The following ITGB8 variants were observed in gnomAD, a reference collection of about 807,000 sequenced individuals.
ITGB8 encodes the protein integrin subunit beta 8.
A neutral mutation model predicts 89.5 loss-of-function variants in ITGB8; 30 were observed. That is an observed-to-expected ratio of 0.34 (90% CI 0.25 to 0.45). The LOEUF is 0.45. Ranked by LOEUF, ITGB8 falls within the 20% of genes least tolerant of loss-of-function variation. The pLI is 1.00. For missense variants in ITGB8, 836 were observed against 933.3 expected (o/e 0.90, Z 1.36); for synonymous variants, 335 against 320.4 (o/e 1.05, Z -0.49).
intron 2 of ITGB8, among the ~76,000 whole-genome samples, chr7:20,363,953 C>G (rs1785598695): frequency 6.6e-6 from 1 of 152,064 alleles, no homozygotes; most frequent in African/African-American, 2.4e-5. Flanking sequence ...GAAGTGCAAA[C>G]CATTTTATGT....
At chr7:20,349,353 C>A (rs142501786) in intron 1 of ITGB8, among the ~76,000 whole-genome samples, 1 of 151,326 alleles carries the variant, frequency 6.6e-6, no homozygotes, top group African/African-American at 2.4e-5. Context: ...GAAGTAATTG[C>A]GGTTTTTGAC....
chr7:20,359,402 C>A (rs1164405116), intron 1 of ITGB8, among the ~76,000 whole-genome samples: 1 of 152,204 alleles, frequency 6.6e-6, no homozygotes, highest in Non-Finnish European at 1.5e-5. Context: ...CAAGCAGCAA[C>A]TGCAATCATA....
intron 1 of ITGB8, among the ~76,000 whole-genome samples, chr7:20,339,374 T>G (rs1052695759): frequency 1.3e-5 from 2 of 152,164 alleles, no homozygotes; most frequent in African/African-American, 4.8e-5. Flanking sequence ...TTAAAGTGAA[T>G]CTTAATGTGA....
chr7:20,346,748 A>G (rs1161661282), intron 1 of ITGB8: 6 of 985,144 alleles, frequency 6.1e-6, no homozygotes, highest in Non-Finnish European at 7.2e-6. Context: ...TGAGAAGTAT[A>G]TAACACCTGA....
chr7:20,384,487 T>G (rs1456209554), intron 6 of ITGB8, among the ~76,000 whole-genome samples: 1 of 152,240 alleles, frequency 6.6e-6, no homozygotes, highest in Non-Finnish European at 1.5e-5. Context: ...TAGCAATCAC[T>G]CTGCATACAG....
Position 20,381,932 on chromosome 7 carries a change from G to A in ITGB8, c.960+47G>A, listed in dbSNP as rs149317847. On this transcript the variant is annotated intron_variant, in intron 6 of 13. Transcript: ENST00000222573. The stretch of plus-strand genomic sequence containing the variant: ...AGTAGATATGACTCTTTTGGTTAAA[G>A]TACAATTTTAAATTGGCAACTCAAC... 1.2e-5 allele frequency: 18 copies of A among 1,510,896 alleles called. No individual in the cohort carries two copies. In the African/African-American group the frequency reaches 2.5e-4, roughly 21 times the overall value. The allele number at this position is 1,510,896 out of a possible 1,614,324, so 93.6% of individuals were successfully genotyped here.
At chr7:20,394,860 T>C (rs748537638) in intron 7 of ITGB8, 36 bp from the exon 8 acceptor site, 9 of 1,384,530 alleles carry the variant, frequency 6.5e-6, no homozygotes, top group African/African-American at 2.8e-5. Flanking sequence ...TTACATACTA[T>C]TGTCATTGTT....
chr7:20,381,378 G>C (rs1786383314), intron 5 of ITGB8: 1 of 162,338 alleles, frequency 6.2e-6, no homozygotes. Context: ...TAGCCAGGAT[G>C]GTCTCGATTT....
At chr7:20,335,841 C>T (rs533740557) in intron 1 of ITGB8, among the ~76,000 whole-genome samples, 2 of 152,120 alleles carry the variant, frequency 1.3e-5, no homozygotes, top group African/African-American at 2.4e-5. Flanking sequence ...TGACCTTGCC[C>T]TCCTTGGAAA....
At chr7:20,402,361 A>C (rs1787349519) in intron 10 of ITGB8, among the ~76,000 whole-genome samples, 1 of 152,194 alleles carries the variant, frequency 6.6e-6, no homozygotes, top group Non-Finnish European at 1.5e-5. Context: ...ACCTAAAATT[A>C]ATTGTTATTC....
At chr7:20,356,982 C>T (rs1398016007) in intron 1 of ITGB8, among the ~76,000 whole-genome samples, 1 of 152,054 alleles carries the variant, frequency 6.6e-6, no homozygotes, top group Non-Finnish European at 1.5e-5. Context: ...ACAAAGAATA[C>T]CTAAGTGGGT....
At chr7:20,390,541 T>C (rs1018730335) in intron 6 of ITGB8, among the ~76,000 whole-genome samples, 2 of 152,086 alleles carry the variant, frequency 1.3e-5, no homozygotes, top group African/African-American at 4.8e-5. Flanking sequence ...AGTGCCACAG[T>C]TGGCACAACA....
chr7:20,387,505 C>G (rs766082462), intron 6 of ITGB8, among the ~76,000 whole-genome samples: 2 of 152,174 alleles, frequency 1.3e-5, no homozygotes, highest in Non-Finnish European at 2.9e-5. Flanking sequence ...AGTCGCAGAG[C>G]CAGAAGTTGA....
chr7:20,387,922 C>T (rs563293696), intron 6 of ITGB8, among the ~76,000 whole-genome samples: 20 of 152,262 alleles, frequency 1.3e-4, no homozygotes, highest in African/African-American at 4.3e-4. Flanking sequence ...TAAAAAATCA[C>T]GCAGATAAAA....
intron 1 of ITGB8, among the ~76,000 whole-genome samples, chr7:20,335,775 C>T (rs1459361405): frequency 2.0e-5 from 3 of 152,222 alleles, no homozygotes; most frequent in African/African-American, 7.2e-5. Flanking sequence ...GATCTGATGG[C>T]TAATTCTTAA....
chr7:20,385,376 G>C (rs1786568300), intron 6 of ITGB8, among the ~76,000 whole-genome samples: 1 of 152,198 alleles, frequency 6.6e-6, no homozygotes, highest in African/African-American at 2.4e-5. Flanking sequence ...TACTGGTTTA[G>C]GCTTGGTGTT....
chr7:20,351,488 T>G (rs1226237739), intron 1 of ITGB8, among the ~76,000 whole-genome samples: 1 of 152,278 alleles, frequency 6.6e-6, no homozygotes, highest in Non-Finnish European at 1.5e-5. Flanking sequence ...TATAAAGTGC[T>G]TGGCATAGGG....
chr7:20,382,577 T>C (rs1786442807), intron 6 of ITGB8, among the ~76,000 whole-genome samples: 1 of 152,224 alleles, frequency 6.6e-6, no homozygotes, highest in South Asian at 2.1e-4. Context: ...TTCTTGCATA[T>C]GTTAAAACAG....
intron 10 of ITGB8, among the ~76,000 whole-genome samples, chr7:20,404,337 G>A (rs17142799): frequency 0.026 from 3,900 of 152,272 alleles, 136 homozygotes; most frequent in East Asian, 0.18. Flanking sequence ...AATGTAAAAC[G>A]GAATATGCAA....
Sources: gnomAD v4.1 joint callset for allele counts (sites outside exome capture counted in the v4.1 genomes callset) on GRCh38, gnomAD v4.1.1 for gene constraint, MANE v1.5 for transcripts, NCBI Gene and HGNC (gene_info 2026-07-23, HGNC 2026-07-21) for gene names.